The following PCLO variants were observed in gnomAD, a reference collection of about 807,000 sequenced individuals.
PCLO encodes piccolo presynaptic cytomatrix protein.
A neutral mutation model predicts 427.5 loss-of-function variants in PCLO; 82 were observed. The observed-to-expected ratio is 0.19, with a 90% CI of 0.16 to 0.23. PCLO has a LOEUF of 0.23. Ranked by LOEUF, PCLO falls within the 10% of genes least tolerant of loss-of-function variation. The probability of loss-of-function intolerance (pLI) is 1.00; values close to 1 mark genes in which losing one functional copy is unlikely to be tolerated. For synonymous variants in PCLO, 2,357 were observed against 2,155.4 expected (o/e 1.09, Z -2.59); for missense variants, 6,239 against 6,115.9 (o/e 1.02, Z -0.67).
chr7:83,045,414 A>ACC, intron 3 of PCLO, among the ~76,000 whole-genome samples: 1 of 152,184 alleles, frequency 6.6e-6, no homozygotes, highest in South Asian at 2.1e-4. Context: ...ATTCTTTATG[A>ACC]CCCAGCTAAA....
chr7:82,820,722 A>G (rs888382429), intron 20 of PCLO: 2 of 1,231,344 alleles, frequency 1.6e-6, no homozygotes, highest in Non-Finnish European at 2.0e-6. Flanking sequence ...TAGGCAAAAA[A>G]CACTGATCCA....
At chr7:83,023,988 T>C (rs772042297) in intron 3 of PCLO, among the ~76,000 whole-genome samples, 1 of 152,228 alleles carries the variant, frequency 6.6e-6, no homozygotes, top group Non-Finnish European at 1.5e-5. Flanking sequence ...CTGACTCATC[T>C]TAACCATTCT....
Position 83,134,343 on chromosome 7 carries a change from A to C in PCLO, c.3207T>G (p.Gly1069=), listed in dbSNP as rs767029850. 1.5e-5 allele frequency: 24 copies of C among 1,611,724 alleles called. No individual in the cohort carries two copies. The highest frequency in any genetic ancestry group is 2.0e-5 in the Non-Finnish European group (24 of 1,178,964). ...TATTGAAGTTAGGAGGATCCTTAGA[A>C]CCTATGTTGAGTTCAGTTTTGCAGA... The part of the protein sequence containing the change: ...CPLCKTELNI[G]SKDPPNFNTC... The change falls in exon 3 of 25, where the codon GGT becomes GGG. Residue 1069 remains glycine, a synonymous_variant. Transcript: ENST00000333891.
intron 6 of PCLO, among the ~76,000 whole-genome samples, chr7:82,918,160 T>G (rs1794512170): frequency 6.6e-6 from 1 of 152,004 alleles, no homozygotes; most frequent in African/African-American, 2.4e-5. Flanking sequence ...GTAGCGGTAG[T>G]TTGTTTTTCC....
chr7:83,099,848 TGTC>T (rs1380010763), intron 3 of PCLO, among the ~76,000 whole-genome samples: 3 of 45,340 alleles, frequency 6.6e-5, no homozygotes, highest in African/African-American at 2.6e-4. Context: ...CTGCTGCTGT[TGTC>T]GTTAAATCCA....
At chr7:82,846,730 T>A in intron 11 of PCLO, 96 bp from the exon 12 acceptor site, 1 of 713,168 alleles carries the variant, frequency 1.4e-6, no homozygotes, top group Non-Finnish European at 2.3e-6. Context: ...CATAGGTAAA[T>A]GAGAAGTGGT....
intron 3 of PCLO, among the ~76,000 whole-genome samples, chr7:82,999,891 T>A (rs10229590): frequency 0.011 from 233 of 20,508 alleles, 1 homozygote; most frequent in East Asian, 0.066. Context: ...TTATATATAA[T>A]ATATATAATG....
chr7:83,092,124 A>T (rs1790392381), intron 3 of PCLO, among the ~76,000 whole-genome samples: 1 of 152,198 alleles, frequency 6.6e-6, no homozygotes, highest in Admixed American at 6.5e-5. Context: ...GAGCATGAGG[A>T]ACTCACTAAG....
chr7:83,049,334 G>A (rs746852503), intron 3 of PCLO, among the ~76,000 whole-genome samples: 2 of 152,158 alleles, frequency 1.3e-5, no homozygotes, highest in Non-Finnish European at 2.9e-5. Context: ...TAACACTGCA[G>A]TCAAGTCCAA....
intron 21 of PCLO, among the ~76,000 whole-genome samples, chr7:82,803,184 A>G (rs1791393956): frequency 6.6e-6 from 1 of 152,028 alleles, no homozygotes; most frequent in Non-Finnish European, 1.5e-5. Flanking sequence ...ATTAGAGGGG[A>G]AAAAAAGCTT....
chr7:82,926,235 T>C (rs1268405565), intron 6 of PCLO, among the ~76,000 whole-genome samples: 2 of 152,308 alleles, frequency 1.3e-5, no homozygotes, highest in African/African-American at 4.8e-5. Context: ...ATTGTTTCTA[T>C]GAATTAAGGC....
chr7:82,977,741 G>T (rs2115749112), intron 3 of PCLO, among the ~76,000 whole-genome samples: 1 of 152,064 alleles, frequency 6.6e-6, no homozygotes, highest in Admixed American at 6.6e-5. Flanking sequence ...ACAAGTGTGG[G>T]GCACAAAGAA....
chr7:82,871,330 T>C (rs1397465425), intron 10 of PCLO, among the ~76,000 whole-genome samples: 2 of 152,018 alleles, frequency 1.3e-5, no homozygotes, highest in African/African-American at 4.8e-5. Flanking sequence ...GAGGACATTA[T>C]GTTAAGTGAA....
At chr7:83,048,578 C>A (rs923784514) in intron 3 of PCLO, among the ~76,000 whole-genome samples, 2 of 152,138 alleles carry the variant, frequency 1.3e-5, no homozygotes, top group African/African-American at 4.8e-5. Context: ...CCCAACTCCA[C>A]ACTAATACTG....
At chr7:82,785,569 T>C (rs1382404561) in intron 22 of PCLO, among the ~76,000 whole-genome samples, 1 of 152,132 alleles carries the variant, frequency 6.6e-6, no homozygotes, top group Admixed American at 6.6e-5. Context: ...GCAAAAGAGA[T>C]AGAACTTAAA....
intron 3 of PCLO, among the ~76,000 whole-genome samples, chr7:82,972,487 G>A (rs1242272907): frequency 6.6e-6 from 1 of 152,110 alleles, no homozygotes; most frequent in Non-Finnish European, 1.5e-5. Context: ...CAGGTTGAAA[G>A]TTTGCTTTTA....
intron 17 of PCLO, among the ~76,000 whole-genome samples, chr7:82,826,879 A>G (rs983628912): frequency 6.6e-6 from 1 of 152,060 alleles, no homozygotes; most frequent in South Asian, 2.1e-4. Flanking sequence ...GGGGAACATT[A>G]TTATTTTGTG....
intron 9 of PCLO, among the ~76,000 whole-genome samples, chr7:82,896,342 C>A (rs1412372830): frequency 6.6e-6 from 1 of 151,676 alleles, no homozygotes; most frequent in Non-Finnish European, 1.5e-5. Flanking sequence ...CATGCTACAA[C>A]TAACCTAAAA....
At chr7:82,934,498 C>T (rs1397765651) in intron 6 of PCLO, among the ~76,000 whole-genome samples, 1 of 151,682 alleles carries the variant, frequency 6.6e-6, no homozygotes, top group Middle Eastern at 3.2e-3. Flanking sequence ...TTTATTTTAA[C>T]TTATCTTAAG....
Sources: gnomAD v4.1 joint callset for allele counts (sites outside exome capture counted in the v4.1 genomes callset) on GRCh38, gnomAD v4.1.1 for gene constraint, MANE v1.5 for transcripts, NCBI Gene and HGNC (gene_info 2026-07-23, HGNC 2026-07-21) for gene names.